The following SPOP variants were observed in gnomAD, a reference collection of about 807,000 sequenced individuals.
SPOP encodes the protein speckle-type POZ protein.
Under a neutral mutation model 45.6 loss-of-function variants are expected in SPOP, and 11 were observed. The ratio of observed to expected loss-of-function variants is 0.24; its 90% confidence interval spans 0.15 to 0.40. SPOP has a LOEUF of 0.40. Ranked by LOEUF, SPOP falls within the 10% of genes least tolerant of loss-of-function variation. The pLI is 1.00. For synonymous variants in SPOP, 166 were observed against 166.3 expected, an observed-to-expected ratio of 1.00 and a Z score of 0.01; for missense variants, 152 against 465.6, an observed-to-expected ratio of 0.33 and a Z score of 6.20.
At chr17:49,651,309 A>G (rs1344056143) in intron 1 of SPOP, among the ~76,000 whole-genome samples, 1 of 152,212 alleles carries the variant, frequency 6.6e-6, no homozygotes, top group Non-Finnish European at 1.5e-5. Context: ...GAAAACACAC[A>G]CAAAATTGAC....
intron 1 of SPOP, among the ~76,000 whole-genome samples, chr17:49,628,271 A>G (rs1056618641): frequency 6.6e-6 from 1 of 152,208 alleles, no homozygotes; most frequent in African/African-American, 2.4e-5. Context: ...TTTCCTGCTT[A>G]CTCTATTAAA....
rs1258198352 is a variant in SPOP, at chr17:49,600,230, G to T, written c.*148C>A. The T allele has an allele frequency of 2.8e-6, 3 of 1,062,796 alleles. No individual in the cohort carries two copies. Among genetic ancestry groups the T allele is most frequent in the Non-Finnish European group, 4.1e-6 (3 of 727,160 alleles). The allele number at this position is 1,062,796 out of a possible 1,614,324, so 65.8% of individuals were successfully genotyped here. On this transcript the variant is annotated 3_prime_UTR_variant, in exon 10 of 10. Transcript: ENST00000504102. This position sits in a 1 kb window ranked among gnomAD's most constrained non-coding sequence, Gnocchi z 4.2. Reference sequence around the variant, plus strand: ...CGTTTCCCCCAAGTTATTTAGTGCTGTTTTAAAAGTCTGGGGCCACAATGC... The same window carrying T: ...CGTTTCCCCCAAGTTATTTAGTGCTTTTTTAAAAGTCTGGGGCCACAATGC...
At chr17:49,662,019 AAAAAAAAAAAAAAAAAATTTAAATTTTT>A (rs1421071335) in intron 1 of SPOP, among the ~76,000 whole-genome samples, 1 of 150,776 alleles carries the variant, frequency 6.6e-6, no homozygotes, top group Non-Finnish European at 1.5e-5. Context: ...GTCTCAAAAA[AAAAAAAAAAAAAAAAAATTTAAATTTTT>A]GGGGGTAGGG....
At chr17:49,673,844 TACA>T (rs921987169) in intron 1 of SPOP, among the ~76,000 whole-genome samples, 3 of 152,108 alleles carry the variant, frequency 2.0e-5, no homozygotes, top group African/African-American at 7.2e-5. Flanking sequence ...GGTGTGGCTT[TACA>T]ACAAGATTAC....
chr17:49,620,789 T>C lies in SPOP; in HGVS notation c.200+1157A>G, dbSNP rs146040691. The stretch of plus-strand genomic sequence containing the variant: ...TCTACCACATGCAATACACAGGTCA[T>C]ATGTATCCTTAAGCCTTATCTGTAT... On this transcript the variant is annotated intron_variant, in intron 3 of 9. Transcript: ENST00000504102. The C allele has an allele frequency of 2.6e-4, 40 of 154,008 alleles. No homozygotes were observed. The Middle Eastern group carries it at 5.4e-3, about 21-fold the overall frequency. 9.5% of individuals were successfully genotyped at this position (154,008 alleles called of 1,614,324 possible).
At chr17:49,644,815 T>TCATA in intron 1 of SPOP, among the ~76,000 whole-genome samples, 1 of 152,170 alleles carries the variant, frequency 6.6e-6, no homozygotes, top group Non-Finnish European at 1.5e-5. Flanking sequence ...CAATACATTT[T>TCATA]CATACATACA....
chr17:49,665,329 T>A (rs1456420729), intron 1 of SPOP, among the ~76,000 whole-genome samples: 1 of 151,998 alleles, frequency 6.6e-6, no homozygotes, highest in East Asian at 1.9e-4. Context: ...ATATACCAAT[T>A]TGGGGCCCGG....
chr17:49,634,976 T>C (rs6504619), intron 1 of SPOP, among the ~76,000 whole-genome samples: 97,695 of 151,978 alleles, frequency 0.64, 31,976 homozygotes, highest in East Asian at 0.78. Context: ...AGTATTCCCA[T>C]GAGATACTTT....
At chr17:49,645,876 T>C (rs1048355992) in intron 1 of SPOP, among the ~76,000 whole-genome samples, 2 of 150,864 alleles carry the variant, frequency 1.3e-5, no homozygotes, top group African/African-American at 2.4e-5. Flanking sequence ...CCTGTTGTTG[T>C]TTTTTTTTCC....
At chr17:49,633,263 G>C (rs983696449) in intron 1 of SPOP, among the ~76,000 whole-genome samples, 2 of 152,080 alleles carry the variant, frequency 1.3e-5, no homozygotes, top group African/African-American at 4.8e-5. Flanking sequence ...GAAATGCCTA[G>C]CTAGTAAGGC....
At position 49,673,782 on chromosome 17, in the gene SPOP, C is replaced by CAG. The variant is rs557474616; in HGVS notation, c.-67+4150_-67+4151insCT. Among the ~76,000 whole-genome samples the CAG allele has an allele frequency of 1.2e-3, 186 of 152,310 alleles. 1 individual carries two copies. Among genetic ancestry groups the CAG allele is most frequent in the Non-Finnish European group, 2.1e-3 (140 of 68,022 alleles). ...TCTCAGCATGGAACACAGTGTATTACTGTTCCAGTTCTGTTTTCTAATTGT... is the reference window on the plus strand; with the variant it reads ...TCTCAGCATGGAACACAGTGTATTACAGTGTTCCAGTTCTGTTTTCTAATTGT... On this transcript the variant is annotated intron_variant, in intron 1 of 9. Transcript: ENST00000504102.
In SPOP at chr17:49,659,345, C is replaced by T. The variant is rs182115710; in HGVS notation, c.-67+18588G>A. ...CAGCCTCTCCTAAACATCAATACAA[C>T]CAAAGCCAATCACTACCTGTTTTCC... On this transcript the variant is annotated intron_variant, in intron 1 of 9. Coordinates refer to ENST00000504102, the MANE Select transcript of SPOP (RefSeq NM_001007228.2). Among the ~76,000 whole-genome samples the T allele has an allele frequency of 1.9e-4, 29 of 152,344 alleles. No individual in the cohort carries two copies. The East Asian group carries it at 5.4e-3, about 28-fold the overall frequency.
intron 6 of SPOP, 28 bp from the exon 7 acceptor site, chr17:49,607,957 T>A: frequency 6.2e-7 from 1 of 1,609,628 alleles, no homozygotes. Flanking sequence ...AACAAGCAGA[T>A]AAGGCTATCA....
At chr17:49,605,172 A>G (rs1212091484) in intron 8 of SPOP, among the ~76,000 whole-genome samples, 1 of 152,184 alleles carries the variant, frequency 6.6e-6, no homozygotes, top group Admixed American at 6.5e-5. Context: ...ACACTTCTCA[A>G]ATTGAAATGT....
At chr17:49,662,995 T>C (rs1051927875) in intron 1 of SPOP, among the ~76,000 whole-genome samples, 5 of 152,204 alleles carry the variant, frequency 3.3e-5, no homozygotes, top group African/African-American at 1.2e-4. Context: ...TACCAAGAAA[T>C]TGTTTGCCTT....
At chr17:49,666,441 G>T (rs1191325880) in intron 1 of SPOP, among the ~76,000 whole-genome samples, 9 of 122,808 alleles carry the variant, frequency 7.3e-5, no homozygotes, top group Non-Finnish European at 1.5e-4. Flanking sequence ...ATTCCTTCAT[G>T]AAGACAGACA....
intron 1 of SPOP, among the ~76,000 whole-genome samples, chr17:49,655,904 G>A (rs1433920105): frequency 2.6e-5 from 4 of 152,082 alleles, no homozygotes; most frequent in East Asian, 1.9e-4. Flanking sequence ...TCCACCTCCC[G>A]GGTTCAAGTG....
chr17:49,663,248 T>G (rs934925324), intron 1 of SPOP, among the ~76,000 whole-genome samples: 2 of 152,184 alleles, frequency 1.3e-5, no homozygotes, highest in Admixed American at 6.5e-5. Context: ...TACTGTGAAA[T>G]GCAAATGGGA....
At chr17:49,623,378 T>C (rs919765560) in intron 1 of SPOP, among the ~76,000 whole-genome samples, 1 of 152,196 alleles carries the variant, frequency 6.6e-6, no homozygotes. Context: ...GTCACAATTA[T>C]ATCACCCTAT....
Sources: allele counts gnomAD v4.1 joint callset (sites outside exome capture counted in the v4.1 genomes callset), GRCh38; gene constraint gnomAD v4.1.1; non-coding constraint Gnocchi (gnomAD v3.1); transcripts MANE v1.5; gene names NCBI Gene and HGNC (gene_info 2026-07-23, HGNC 2026-07-21).